The following LDAH variants were observed in gnomAD, a reference collection of about 807,000 sequenced individuals.
LDAH encodes lipid droplet-associated hydrolase.
In LDAH, 26 loss-of-function variants were observed where a neutral mutation model predicts 29.6. That is an observed-to-expected ratio of 0.88 (90% CI 0.64 to 1.22). LDAH has a LOEUF of 1.22. LDAH is among the 50% of genes most tolerant of loss of function. The pLI is 0.00. For synonymous variants in LDAH, 117 were observed against 133.0 expected, an observed-to-expected ratio of 0.88 and a Z score of 0.83; for missense variants, 344 against 387.3, an observed-to-expected ratio of 0.89 and a Z score of 0.94.
At chr2:20,714,113 T>C (rs149638130) in intron 5 of LDAH, among the ~76,000 whole-genome samples, 175 of 152,266 alleles carry the variant, frequency 1.1e-3, no homozygotes, top group Non-Finnish European at 1.9e-3. Flanking sequence ...TATTCCAAAA[T>C]TGACCCCATA....
intron 2 of LDAH, among the ~76,000 whole-genome samples, chr2:20,799,371 T>A (rs1671515042): frequency 6.6e-6 from 1 of 152,200 alleles, no homozygotes; most frequent in Admixed American, 6.5e-5. Context: ...GATATTGATA[T>A]TTATGTTATA....
At chr2:20,726,025 T>C (rs929661735) in intron 5 of LDAH, among the ~76,000 whole-genome samples, 1 of 152,234 alleles carries the variant, frequency 6.6e-6, no homozygotes, top group Admixed American at 6.5e-5. Context: ...TAGATCCCTA[T>C]CTGTTTAGGC....
At position 20,822,453 on chromosome 2, in the gene LDAH, A is replaced by G. The variant is rs536283573; in HGVS notation, c.-3+584T>C. Reference sequence around the variant, plus strand: ...CCACGGCGCCCGGCCAGGACTATCAACTCTTGTGTTTGGTACACAGGACAC... The same window carrying G: ...CCACGGCGCCCGGCCAGGACTATCAGCTCTTGTGTTTGGTACACAGGACAC... On this transcript the variant is annotated intron_variant, in intron 1 of 6. Transcript: ENST00000237822. 5.9e-5 allele frequency among the ~76,000 whole-genome samples: 9 copies of G among 152,082 alleles called. No individual in the cohort carries two copies. The South Asian group carries it at 1.7e-3, about 28-fold the overall frequency.
Position 20,750,245 on chromosome 2 carries a change from C to T in LDAH, c.469-10040G>A, listed in dbSNP as rs914498890. Among the ~76,000 whole-genome samples, 11 of 152,182 alleles carry T rather than the reference C, an allele frequency of 7.2e-5. No homozygotes were observed. The East Asian group carries it at 7.7e-4, about 11-fold the overall frequency. The stretch of plus-strand genomic sequence containing the variant: ...TTCACCACATAGGCTAGGCTGGTTT[C>T]GAACTCCTGACCTCAGGTGATCCAC... On this transcript the variant is annotated intron_variant, in intron 4 of 6. Coordinates refer to ENST00000237822, the MANE Select transcript of LDAH (RefSeq NM_021925.4).
intron 4 of LDAH, among the ~76,000 whole-genome samples, chr2:20,757,498 A>G (rs1313067189): frequency 6.6e-6 from 1 of 152,192 alleles, no homozygotes; most frequent in Non-Finnish European, 1.5e-5. Flanking sequence ...TTGTTTTACT[A>G]ATTTTTCACA....
chr2:20,777,399 T>G (rs1669892298), intron 3 of LDAH, among the ~76,000 whole-genome samples: 1 of 152,208 alleles, frequency 6.6e-6, no homozygotes, highest in Admixed American at 6.5e-5. Context: ...ACTGAAAATT[T>G]AAATGTGCTA....
At chr2:20,724,129 C>T (rs1665855554) in intron 5 of LDAH, among the ~76,000 whole-genome samples, 1 of 152,166 alleles carries the variant, frequency 6.6e-6, no homozygotes, top group South Asian at 2.1e-4. Flanking sequence ...ACACATAATC[C>T]ATAACAGAAG....
chr2:20,748,275 C>T (rs1667715735), intron 4 of LDAH, among the ~76,000 whole-genome samples: 1 of 151,950 alleles, frequency 6.6e-6, no homozygotes, highest in Non-Finnish European at 1.5e-5. Context: ...TTTTTCTACA[C>T]TTTAATTACC....
rs774285016 is a variant in LDAH, at chr2:20,790,210, C to A, written c.298+45G>T. ...CTTAGCAAGCTTGCTAGAAACATGA[C>A]CCTGCACTCACTCTAAAGGAAAGTA... On this transcript the variant is annotated intron_variant, in intron 3 of 6. Coordinates refer to ENST00000237822, the MANE Select transcript of LDAH (RefSeq NM_021925.4). 6 of 1,603,138 alleles carry A rather than the reference C, an allele frequency of 3.7e-6. No individual in the cohort carries two copies. In the Admixed American group the frequency reaches 6.7e-5, roughly 18 times the overall value.
At chr2:20,719,036 T>C (rs1665449960) in intron 5 of LDAH, among the ~76,000 whole-genome samples, 1 of 152,088 alleles carries the variant, frequency 6.6e-6, no homozygotes, top group Non-Finnish European at 1.5e-5. Flanking sequence ...GGGAAGTTTA[T>C]AGCAATAAAT....
At chr2:20,811,377 T>C (rs1672484218) in intron 1 of LDAH, among the ~76,000 whole-genome samples, 1 of 146,186 alleles carries the variant, frequency 6.8e-6, no homozygotes, top group Non-Finnish European at 1.5e-5. Context: ...CTAATCTCTC[T>C]CATTAATACC....
chr2:20,806,791 C>T (rs981538495), intron 1 of LDAH, among the ~76,000 whole-genome samples: 11 of 150,762 alleles, frequency 7.3e-5, no homozygotes, highest in East Asian at 1.9e-4. Context: ...GATAAAGATA[C>T]GAATGCAGGA....
chr2:20,742,944 A>G (rs1281364274), intron 4 of LDAH, among the ~76,000 whole-genome samples: 2 of 151,546 alleles, frequency 1.3e-5, no homozygotes, highest in African/African-American at 2.4e-5. Context: ...AATTTTTTGT[A>G]GAGATGGTCT....
At chr2:20,729,024 A>G (rs189244281) in intron 5 of LDAH, among the ~76,000 whole-genome samples, 4 of 152,324 alleles carry the variant, frequency 2.6e-5, no homozygotes, top group Admixed American at 2.0e-4. Context: ...TGTATTTCAT[A>G]TATCAGGGTT....
intron 2 of LDAH, among the ~76,000 whole-genome samples, chr2:20,796,283 G>A (rs1294097130): frequency 7.2e-5 from 11 of 152,068 alleles, no homozygotes; most frequent in Non-Finnish European, 1.5e-5. Context: ...AAGACTTAAT[G>A]CAACACAGTA....
At chr2:20,750,210 G>A (rs1212047011) in intron 4 of LDAH, among the ~76,000 whole-genome samples, 1 of 152,066 alleles carries the variant, frequency 6.6e-6, no homozygotes, top group Non-Finnish European at 1.5e-5. Flanking sequence ...ACTTTTAGTA[G>A]AGACGGGGTT....
chr2:20,793,657 T>C (rs1366594777), intron 2 of LDAH, among the ~76,000 whole-genome samples: 1 of 152,126 alleles, frequency 6.6e-6, no homozygotes, highest in Non-Finnish European at 1.5e-5. Flanking sequence ...TAAAAGAGAT[T>C]GAGCAGGGTT....
chr2:20,685,655 C>A lies in LDAH; in HGVS notation c.*1248G>T. On this transcript the variant is annotated 3_prime_UTR_variant, in exon 7 of 7. Transcript: ENST00000237822. The stretch of plus-strand genomic sequence containing the variant: ...GGAATGATAATGCCATGAGGGATTT[C>A]CTCTAGGAGAAAAAGGAATATTTCT... 2 of 1,549,320 alleles carry A rather than the reference C, an allele frequency of 1.3e-6. No individual in the cohort carries two copies. The highest frequency in any genetic ancestry group is 2.7e-5 in the African/African-American group (2 of 73,072).
At chr2:20,703,233 T>C (rs1483026448) in intron 5 of LDAH, among the ~76,000 whole-genome samples, 1 of 152,236 alleles carries the variant, frequency 6.6e-6, no homozygotes, top group African/African-American at 2.4e-5. Context: ...ACAGAAATGG[T>C]TGTAGTGCCA....
Sources: gnomAD v4.1 joint callset for allele counts (sites outside exome capture counted in the v4.1 genomes callset) on GRCh38, gnomAD v4.1.1 for gene constraint, MANE v1.5 for transcripts, NCBI Gene and HGNC (gene_info 2026-07-23, HGNC 2026-07-21) for gene names.